TRMT9B: variants seen among roughly 807,000 people sequenced by gnomAD.
TRMT9B encodes the protein probable tRNA methyltransferase 9B.
Under a neutral mutation model 11.5 loss-of-function variants are expected in TRMT9B, and 16 were observed. That is an observed-to-expected ratio of 1.39 (90% CI 0.94 to 2.11). The LOEUF (loss-of-function observed/expected upper bound fraction) is 2.11. Among genes scored for constraint, TRMT9B ranks in the 30% most tolerant of loss-of-function variants. The probability of loss-of-function intolerance (pLI) is 0.00; values close to 1 mark genes in which losing one functional copy is unlikely to be tolerated. For missense variants in TRMT9B, 941 were observed against 553.8 expected (o/e 1.70, Z -7.02); for synonymous variants, 274 against 192.4 (o/e 1.42, Z -3.51).
chr8:12,952,931 G>A (rs908988344), intron 1 of TRMT9B, among the ~76,000 whole-genome samples: 1 of 152,150 alleles, frequency 6.6e-6, no homozygotes, highest in African/African-American at 2.4e-5. Context: ...CTAGAGACGG[G>A]GTTTCACCAT....
intron 3 of TRMT9B, among the ~76,000 whole-genome samples, chr8:13,009,285 A>G (rs1811127189): frequency 6.6e-6 from 1 of 152,120 alleles, no homozygotes; most frequent in South Asian, 2.1e-4. Context: ...GGAAATGGTA[A>G]GACGTTGGTT....
intron 2 of TRMT9B, among the ~76,000 whole-genome samples, chr8:12,993,747 G>T (rs949840843): frequency 2.6e-5 from 4 of 152,214 alleles, no homozygotes; most frequent in African/African-American, 9.6e-5. Flanking sequence ...AACCCTAGTG[G>T]CCATGGTACA....
intron 4 of TRMT9B, among the ~76,000 whole-genome samples, chr8:13,013,857 G>C (rs954242675): frequency 7.9e-5 from 12 of 152,170 alleles, no homozygotes; most frequent in South Asian, 2.1e-4. Flanking sequence ...GCTGAGGCAG[G>C]AGAATCGCTT....
chr8:12,984,173 T>C (rs1030750322), intron 1 of TRMT9B, among the ~76,000 whole-genome samples: 1 of 152,230 alleles, frequency 6.6e-6, no homozygotes, highest in Non-Finnish European at 1.5e-5. Flanking sequence ...AGGCTATGTA[T>C]ATAAGGTATT....
At chr8:13,016,190 T>G (rs1295539928) in intron 4 of TRMT9B, among the ~76,000 whole-genome samples, 1 of 145,818 alleles carries the variant, frequency 6.9e-6, no homozygotes, top group Non-Finnish European at 1.5e-5. Flanking sequence ...AATATAAATG[T>G]GAAATATATA....
At chr8:13,012,098 C>G in intron 3 of TRMT9B, 1 of 985,404 alleles carries the variant, frequency 1.0e-6, no homozygotes, top group Non-Finnish European at 1.2e-6. Flanking sequence ...GCTAACGTGC[C>G]TTGGTTGCGC....
intron 2 of TRMT9B, among the ~76,000 whole-genome samples, chr8:12,992,548 A>G (rs1353956306): frequency 6.6e-6 from 1 of 151,682 alleles, no homozygotes; most frequent in Non-Finnish European, 1.5e-5. Flanking sequence ...GCTCAGGAGA[A>G]CTTCATTTAA....
At chr8:12,998,990 A>C (rs1278645427) in intron 2 of TRMT9B, among the ~76,000 whole-genome samples, 1 of 152,190 alleles carries the variant, frequency 6.6e-6, no homozygotes, top group Non-Finnish European at 1.5e-5. Flanking sequence ...CTTTACCCAG[A>C]AACATGGCAT....
At position 12,953,421 on chromosome 8, in the gene TRMT9B, C is replaced by G. The variant is rs139404293; in HGVS notation, c.-200+7455C>G. ...CTGGGGTGCAGTGGTGCGATCTTGG[C>G]TCAATACAACTTCCGTCTCCCGAGT... On this transcript the variant is annotated intron_variant, in intron 1 of 4. Transcript: ENST00000524591. Among the ~76,000 whole-genome samples, 402 of 152,192 alleles carry G rather than the reference C, an allele frequency of 2.6e-3. 2 individuals are homozygous for G. Among genetic ancestry groups the G allele is most frequent in the African/African-American group, 9.1e-3 (379 of 41,518 alleles).
rs1365557556 is a variant in TRMT9B at position 13,027,307 on chromosome 8, T to C, written c.*5263T>C. 1 of 167,032 alleles carries C rather than the reference T, an allele frequency of 6.0e-6. No individual in the cohort carries two copies. Among genetic ancestry groups the C allele is most frequent in the African/African-American group, 2.4e-5 (1 of 41,458 alleles). 10.3% of individuals were successfully genotyped at this position (167,032 alleles called of 1,614,324 possible). On this transcript the variant is annotated 3_prime_UTR_variant, in exon 5 of 5. Coordinates refer to ENST00000524591, the MANE Select transcript of TRMT9B (RefSeq NM_020844.3). ...TCCCTGTGTGCCTATTACCAAGTTATATTGTTTAGTTTGAGGAAAACAACA... is the reference window on the plus strand; with the variant it reads ...TCCCTGTGTGCCTATTACCAAGTTACATTGTTTAGTTTGAGGAAAACAACA...
At chr8:13,005,525 A>G (rs1386982401) in intron 2 of TRMT9B, among the ~76,000 whole-genome samples, 1 of 152,226 alleles carries the variant, frequency 6.6e-6, no homozygotes, top group Non-Finnish European at 1.5e-5. Flanking sequence ...TGCCTGTATC[A>G]AAACATCTCA....
At chr8:12,954,864 A>G (rs1563304737) in intron 1 of TRMT9B, among the ~76,000 whole-genome samples, 1 of 152,216 alleles carries the variant, frequency 6.6e-6, no homozygotes, top group Non-Finnish European at 1.5e-5. Flanking sequence ...AGACATTTTA[A>G]GAGTTTGAAC....
At chr8:12,987,036 T>C (rs897323993) in intron 1 of TRMT9B, among the ~76,000 whole-genome samples, 1 of 152,230 alleles carries the variant, frequency 6.6e-6, no homozygotes, top group Non-Finnish European at 1.5e-5. Context: ...AGGTCCTATA[T>C]GATCTGACTC....
At chr8:13,020,255 T>G (rs1813564567) in intron 4 of TRMT9B, among the ~76,000 whole-genome samples, 1 of 152,128 alleles carries the variant, frequency 6.6e-6, no homozygotes, top group Non-Finnish European at 1.5e-5. Context: ...ATTTGAAGTT[T>G]TCTCTTGACA....
At chr8:12,958,763 C>T (rs62488977) in intron 1 of TRMT9B, 5,118 of 152,160 alleles carry the variant, frequency 0.034, 110 homozygotes, top group Non-Finnish European at 0.051. Context: ...ACTATGCAGC[C>T]ATAAAAAAGG....
chr8:12,969,786 C>G (rs1033078818), intron 1 of TRMT9B, among the ~76,000 whole-genome samples: 33 of 151,798 alleles, frequency 2.2e-4, no homozygotes, highest in Admixed American at 5.9e-4. Flanking sequence ...ATCCTCCCAC[C>G]TAAGCCTCCC....
chr8:13,024,970 T>C lies in TRMT9B; in HGVS notation c.*2926T>C, dbSNP rs1254640796. ...CGTCTTGATCATTTAAAAAGCTTGC[T>C]TGTCCTCGAAAGGAAACACAGGTCA... On this transcript the variant is annotated 3_prime_UTR_variant, in exon 5 of 5. Coordinates refer to ENST00000524591, the MANE Select transcript of TRMT9B (RefSeq NM_020844.3). 6.0e-6 allele frequency: 1 copy of C among 167,102 alleles called. No individual in the cohort carries two copies. Among genetic ancestry groups the C allele is most frequent in the South Asian group, 2.1e-4 (1 of 4,836 alleles). 10.4% of individuals were successfully genotyped at this position (167,102 alleles called of 1,614,324 possible). A position where few individuals can be genotyped will look rare whatever the true frequency, so the allele number is the denominator to read the frequency against.
rs1232289059 is a variant in TRMT9B, at chr8:13,024,681, G to C, written c.*2637G>C. 1.2e-5 allele frequency: 2 copies of C among 166,952 alleles called. No individual in the cohort carries two copies. The highest frequency in any genetic ancestry group is 4.8e-5 in the African/African-American group (2 of 41,418). 10.3% of individuals were successfully genotyped at this position (166,952 alleles called of 1,614,324 possible). ...GTGCACACACCACTTTGTATGAAAG[G>C]GTTCTCTAGAACGGTTCTTTGGAGA... On this transcript the variant is annotated 3_prime_UTR_variant, in exon 5 of 5. Transcript: ENST00000524591.
chr8:12,971,380 C>T (rs952535552), intron 1 of TRMT9B, among the ~76,000 whole-genome samples: 4 of 152,130 alleles, frequency 2.6e-5, no homozygotes, highest in Admixed American at 1.3e-4. Context: ...GGCCTGTGAC[C>T]TCAGGGTTCT....
Sources: gnomAD v4.1 joint callset for allele counts (sites outside exome capture counted in the v4.1 genomes callset) on GRCh38, gnomAD v4.1.1 for gene constraint, MANE v1.5 for transcripts, NCBI Gene and HGNC (gene_info 2026-07-23, HGNC 2026-07-21) for gene names.